Variants in DENND1B observed in about 807,000 individuals in gnomAD.
DENND1B encodes DENN domain-containing protein 1B.
In DENND1B, 59 loss-of-function variants were observed where a neutral mutation model predicts 90.1. That is an observed-to-expected ratio of 0.65 (90% confidence interval 0.53 to 0.81). DENND1B has a LOEUF of 0.81. Among genes scored for constraint, DENND1B ranks in the 40% least tolerant of loss-of-function variants. DENND1B has a pLI of 0.00. For missense variants in DENND1B, 862 were observed against 912.6 expected (o/e 0.94, Z 0.71); for synonymous variants, 337 against 324.6 (o/e 1.04, Z -0.41).
At position 197,675,022 on chromosome 1, in the gene DENND1B, T is replaced by C. The variant is rs557036257; in HGVS notation, c.127-853A>G. Among the ~76,000 whole-genome samples the C allele has an allele frequency of 1.3e-3, 204 of 152,240 alleles. 1 individual carries two copies. The highest frequency in any genetic ancestry group is 4.7e-3 in the African/African-American group (195 of 41,538). ...AAAGTCTTAATAATCTATTTTGTTA[T>C]ATTTGAAAAATAAAATTAAGTCTGA... On this transcript the variant is annotated intron_variant, in intron 3 of 22. Transcript: ENST00000620048.
chr1:197,632,370 TAC>T (rs1460383385), intron 10 of DENND1B, among the ~76,000 whole-genome samples: 2 of 151,986 alleles, frequency 1.3e-5, no homozygotes, highest in Admixed American at 6.6e-5. Flanking sequence ...CAAACATACA[TAC>T]ACACACACAA....
At chr1:197,545,864 C>A in intron 18 of DENND1B, 58 bp downstream of exon 18, 1 of 1,391,846 alleles carries the variant, frequency 7.2e-7, no homozygotes, top group Non-Finnish European at 9.9e-7. Flanking sequence ...ATGTCTATCA[C>A]CTAGGAAAAT....
At chr1:197,721,321 G>A (rs954197215) in intron 2 of DENND1B, among the ~76,000 whole-genome samples, 14 of 151,512 alleles carry the variant, frequency 9.2e-5, no homozygotes, top group African/African-American at 1.7e-4. Flanking sequence ...CGCCTGCCTC[G>A]GCCTCCCAAA....
At chr1:197,557,389 C>A (rs1671803411) in intron 15 of DENND1B, among the ~76,000 whole-genome samples, 1 of 151,770 alleles carries the variant, frequency 6.6e-6, no homozygotes, top group South Asian at 2.1e-4. Flanking sequence ...TGGAAATAAT[C>A]CATCCATTTC....
chr1:197,707,403 T>G (rs1280387573), intron 3 of DENND1B, among the ~76,000 whole-genome samples: 1 of 151,790 alleles, frequency 6.6e-6, no homozygotes, highest in East Asian at 1.9e-4. Flanking sequence ...TATTTTCAAA[T>G]AGCTAGAAGA....
chr1:197,631,092 C>G (rs1266979148), intron 10 of DENND1B, among the ~76,000 whole-genome samples: 1 of 152,074 alleles, frequency 6.6e-6, no homozygotes, highest in Non-Finnish European at 1.5e-5. Flanking sequence ...TTTTTCTTTT[C>G]TTAGAGAAGG....
chr1:197,583,043 ATTC>A, intron 15 of DENND1B, 106 bp downstream of exon 15: 1 of 967,940 alleles, frequency 1.0e-6, no homozygotes, highest in Non-Finnish European at 1.6e-6. Flanking sequence ...ATTTCCTGAC[ATTC>A]TAGAAAAGAT....
At chr1:197,705,436 A>G (rs1659432140) in intron 3 of DENND1B, among the ~76,000 whole-genome samples, 1 of 152,140 alleles carries the variant, frequency 6.6e-6, no homozygotes, top group Non-Finnish European at 1.5e-5. Flanking sequence ...TACATGGTTA[A>G]GCGCTTCTGT....
At chr1:197,636,014 CTT>C (rs1679758298) in intron 10 of DENND1B, among the ~76,000 whole-genome samples, 1 of 150,096 alleles carries the variant, frequency 6.7e-6, no homozygotes. Flanking sequence ...GCCCTGATAA[CTT>C]TATTGTCTAA....
chr1:197,679,635 T>G, intron 3 of DENND1B, among the ~76,000 whole-genome samples: 1 of 150,208 alleles, frequency 6.7e-6, no homozygotes, highest in East Asian at 1.9e-4. Flanking sequence ...AATATATATG[T>G]ATCTAAATAT....
At chr1:197,705,251 A>G (rs1347968684) in intron 3 of DENND1B, among the ~76,000 whole-genome samples, 1 of 152,196 alleles carries the variant, frequency 6.6e-6, no homozygotes, top group Non-Finnish European at 1.5e-5. Context: ...GTATATAGCA[A>G]AACAATTATT....
chr1:197,510,138 G>A lies in DENND1B; in HGVS notation c.*322C>T, dbSNP rs1251206065. 3.7e-6 allele frequency: 1 copy of A among 267,680 alleles called. No individual in the cohort carries two copies. The highest frequency in any genetic ancestry group is 7.1e-6 in the Non-Finnish European group (1 of 140,844). 16.6% of individuals were successfully genotyped at this position (267,680 alleles called of 1,614,324 possible). ...CAACCAGATTAGTATAGTAGCTACT[G>A]GTTATGTGCATGGGTTACATATGCA... On this transcript the variant is annotated 3_prime_UTR_variant, in exon 23 of 23. Transcript: ENST00000620048.
chr1:197,540,080 G>A lies in DENND1B; in HGVS notation c.1408-9C>T. ...TAATCTTCTTCATTTTCCTACACAT[G>A]AAAAAATATACAGGCAATAATTGTA... On this transcript the variant is annotated splice_polypyrimidine_tract_variant and intron_variant, in intron 19 of 22. Coordinates refer to ENST00000620048, the MANE Select transcript of DENND1B (RefSeq NM_001195215.2). 6.3e-7 allele frequency: 1 copy of A among 1,575,920 alleles called. No individual in the cohort carries two copies. The highest frequency in any genetic ancestry group is 1.4e-5 in the African/African-American group (1 of 73,510).
At chr1:197,774,144 T>C (rs78424313) in intron 1 of DENND1B, among the ~76,000 whole-genome samples, 2,744 of 152,342 alleles carry the variant, frequency 0.018, 39 homozygotes, top group Middle Eastern at 0.044. Flanking sequence ...AGAAGCATAC[T>C]ATTTTTACTC....
rs1572337814 is a variant in DENND1B at position 197,688,944 on chromosome 1, A to T, written c.127-14775T>A. On this transcript the variant is annotated intron_variant, in intron 3 of 22. Transcript: ENST00000620048. ...TTCAGGTATGCCTGGGTCTTGGATA[A>T]ATTGAAAGCTGAGTTTGAGCATGGT... 1.9e-5 allele frequency: 4 copies of T among 215,558 alleles called. No homozygotes were observed. In the South Asian group the frequency reaches 3.2e-4, roughly 18 times the overall value. The allele number at this position is 215,558 out of a possible 1,614,324, so 13.4% of individuals were successfully genotyped here.
At chr1:197,735,137 T>A in intron 2 of DENND1B, 1 of 969,304 alleles carries the variant, frequency 1.0e-6, no homozygotes, top group Non-Finnish European at 1.2e-6. Context: ...ATATTATATA[T>A]GAATAATACA....
chr1:197,599,700 A>G (rs555678406), intron 13 of DENND1B, among the ~76,000 whole-genome samples: 1 of 151,844 alleles, frequency 6.6e-6, no homozygotes, highest in East Asian at 1.9e-4. Flanking sequence ...CTTCTCTCTT[A>G]ATAATTTTCT....
At chr1:197,592,173 A>G (rs938549172) in intron 14 of DENND1B, among the ~76,000 whole-genome samples, 2 of 151,470 alleles carry the variant, frequency 1.3e-5, no homozygotes, top group Non-Finnish European at 2.9e-5. Flanking sequence ...AATATGCCAC[A>G]CTAGAGCAAG....
intron 6 of DENND1B, among the ~76,000 whole-genome samples, chr1:197,655,421 C>A (rs1048334031): frequency 2.0e-5 from 3 of 152,148 alleles, no homozygotes; most frequent in Admixed American, 6.5e-5. Context: ...AGTGTAAATG[C>A]TCTTGAAACC....
Sources: allele counts gnomAD v4.1 joint callset (sites outside exome capture counted in the v4.1 genomes callset), GRCh38; gene constraint gnomAD v4.1.1; transcripts MANE v1.5; gene names NCBI Gene and HGNC (gene_info 2026-07-23, HGNC 2026-07-21).